The following CSMD3 variants were observed in gnomAD, a reference collection of about 807,000 sequenced individuals.
The protein encoded by CSMD3 is CUB and sushi domain-containing protein 3.
In CSMD3, 177 loss-of-function variants were observed where a neutral mutation model predicts 435.2. The ratio of observed to expected loss-of-function variants is 0.41; its 90% CI spans 0.36 to 0.46. The LOEUF is 0.46. CSMD3 is among the 20% of genes least tolerant of loss of function. The probability of loss-of-function intolerance (pLI) is 0.34; values close to 1 mark genes in which losing one functional copy is unlikely to be tolerated. For missense variants in CSMD3, 4,265 were observed against 4,504.6 expected, an observed-to-expected ratio of 0.95 and a Z score of 1.52; for synonymous variants, 1,656 against 1,520.5, an observed-to-expected ratio of 1.09 and a Z score of -2.07.
intron 17 of CSMD3, among the ~76,000 whole-genome samples, chr8:112,657,676 T>C (rs915542631): frequency 1.3e-5 from 2 of 152,206 alleles, no homozygotes; most frequent in African/African-American, 4.8e-5. Flanking sequence ...TGTGAACTCA[T>C]GGAGTACTAA....
chr8:112,841,803 C>T (rs1033160894), intron 11 of CSMD3, among the ~76,000 whole-genome samples: 1 of 151,834 alleles, frequency 6.6e-6, no homozygotes, highest in Admixed American at 6.6e-5. Context: ...CTACTACATC[C>T]TATCTCTGCA....
chr8:112,628,793 C>T (rs948825038), intron 22 of CSMD3, among the ~76,000 whole-genome samples: 3 of 152,098 alleles, frequency 2.0e-5, no homozygotes, highest in South Asian at 2.1e-4. Context: ...AGACATCTAA[C>T]GTACTCTTGG....
chr8:112,827,081 CT>C (rs1459278341), intron 12 of CSMD3, among the ~76,000 whole-genome samples: 2 of 146,630 alleles, frequency 1.4e-5, no homozygotes, highest in African/African-American at 2.5e-5. Context: ...CAAATGTACT[CT>C]TTTTATATTT....
At chr8:112,718,534 T>C (rs2076786365) in intron 13 of CSMD3, among the ~76,000 whole-genome samples, 1 of 150,394 alleles carries the variant, frequency 6.6e-6, no homozygotes, top group African/African-American at 2.4e-5. Flanking sequence ...TATATATATA[T>C]ATGCATAAAG....
chr8:113,398,316 T>C (rs1272100343), intron 1 of CSMD3, among the ~76,000 whole-genome samples: 1 of 151,234 alleles, frequency 6.6e-6, no homozygotes. Context: ...CTTTCTCCAC[T>C]GACAGGAAAT....
intron 13 of CSMD3, among the ~76,000 whole-genome samples, chr8:112,710,447 T>C (rs568977820): frequency 6.6e-6 from 1 of 152,264 alleles, no homozygotes; most frequent in Non-Finnish European, 1.5e-5. Flanking sequence ...TTTCTTTCTA[T>C]ACTGCTTTTG....
At position 113,151,854 on chromosome 8, in the gene CSMD3, GT is replaced by G. The variant is rs924880161; in HGVS notation, c.709+21867del. 9.2e-5 allele frequency among the ~76,000 whole-genome samples: 14 copies of G among 152,084 alleles called. No individual in the cohort carries two copies. In the East Asian group the frequency reaches 2.7e-3, roughly 30 times the overall value. ...ATATTAGAAGTTTTGATTATGCCCG[GT>G]TTTGTCAAAATATAACAGGAAATTC... On this transcript the variant is annotated intron_variant, in intron 4 of 70. Transcript: ENST00000297405.
At chr8:112,760,053 T>C (rs558813767) in intron 13 of CSMD3, among the ~76,000 whole-genome samples, 64 of 152,228 alleles carry the variant, frequency 4.2e-4, no homozygotes, top group Non-Finnish European at 8.5e-4. Flanking sequence ...AACCAGGCCA[T>C]GTGACTCCAG....
rs914302897 is a variant in CSMD3, at chr8:112,542,416, A to C, written c.4564+8255T>G. Among the ~76,000 whole-genome samples the C allele has an allele frequency of 5.9e-5, 9 of 151,796 alleles. 1 individual carries two copies. Among genetic ancestry groups the C allele is most frequent in the Admixed American group, 3.9e-4 (6 of 15,198 alleles). On this transcript the variant is annotated intron_variant, in intron 27 of 70. Transcript: ENST00000297405. ...CACAATCTCATATATAGAAAATCCTAAAGACTTTATCAAAAAAACTGTTGG... is the reference window on the plus strand; with the variant it reads ...CACAATCTCATATATAGAAAATCCTCAAGACTTTATCAAAAAAACTGTTGG...
At chr8:112,575,044 A>G (rs1829831762) in intron 23 of CSMD3, among the ~76,000 whole-genome samples, 1 of 151,884 alleles carries the variant, frequency 6.6e-6, no homozygotes, top group South Asian at 2.1e-4. Context: ...ATTTTTTCTT[A>G]TACTAGATTG....
At chr8:113,283,047 A>T (rs7819384) in intron 2 of CSMD3, among the ~76,000 whole-genome samples, 2,059 of 152,198 alleles carry the variant, frequency 0.014, 59 homozygotes, top group African/African-American at 0.047. Flanking sequence ...GAAGAATGAA[A>T]CTGGATCCTC....
intron 4 of CSMD3, among the ~76,000 whole-genome samples, chr8:113,142,328 G>C (rs1467751401): frequency 6.6e-6 from 1 of 151,156 alleles, no homozygotes; most frequent in Admixed American, 6.6e-5. Context: ...TTTTGAAAAA[G>C]TAGAATTAAA....
intron 6 of CSMD3, among the ~76,000 whole-genome samples, chr8:112,993,381 G>A (rs765668529): frequency 2.0e-5 from 3 of 151,700 alleles, no homozygotes; most frequent in Non-Finnish European, 4.4e-5. Context: ...GGAACAAGAA[G>A]GATACCAAAG....
chr8:113,413,199 A>G (rs2094567057), intron 1 of CSMD3, among the ~76,000 whole-genome samples: 2 of 152,138 alleles, frequency 1.3e-5, no homozygotes. Flanking sequence ...AAATTGCTTC[A>G]TAAGGATTAT....
At chr8:112,556,976 A>AT (rs1195363570) in intron 24 of CSMD3, 22 bp from the exon 25 acceptor site, 1 of 1,499,224 alleles carries the variant, frequency 6.7e-7, no homozygotes, top group Non-Finnish European at 9.3e-7. Context: ...ATATAAATTG[A>AT]TTAAAGGCAA....
intron 2 of CSMD3, among the ~76,000 whole-genome samples, chr8:113,307,121 A>G (rs1280847566): frequency 6.6e-6 from 1 of 152,128 alleles, no homozygotes; most frequent in Non-Finnish European, 1.5e-5. Context: ...CAAAGTAAAA[A>G]TCCAAAGAGG....
intron 5 of CSMD3, among the ~76,000 whole-genome samples, chr8:113,065,036 C>T (rs950025917): frequency 6.6e-6 from 1 of 152,012 alleles, no homozygotes; most frequent in African/African-American, 2.4e-5. Context: ...GTTGTATCTA[C>T]AAAAATAGTG....
At chr8:113,093,018 C>T (rs748382452) in intron 5 of CSMD3, among the ~76,000 whole-genome samples, 1 of 152,006 alleles carries the variant, frequency 6.6e-6, no homozygotes, top group Non-Finnish European at 1.5e-5. Flanking sequence ...TCAATGATGT[C>T]AAATTATATG....
chr8:112,305,526 A>C (rs1280363889), intron 51 of CSMD3, among the ~76,000 whole-genome samples: 2 of 152,168 alleles, frequency 1.3e-5, no homozygotes, highest in Non-Finnish European at 2.9e-5. Context: ...AAACTTATTT[A>C]CCTAGTGAAG....
Sources: allele counts gnomAD v4.1 joint callset (sites outside exome capture counted in the v4.1 genomes callset), GRCh38; gene constraint gnomAD v4.1.1; transcripts MANE v1.5; gene names NCBI Gene and HGNC (gene_info 2026-07-23, HGNC 2026-07-21).